Variants in AGBL1 observed in about 807,000 individuals in gnomAD.
AGBL1 encodes the protein AGBL carboxypeptidase 1, also known as cytosolic carboxypeptidase 4.
Under a neutral mutation model 118.9 loss-of-function variants are expected in AGBL1, and 130 were observed. That is an observed-to-expected ratio of 1.09 (90% CI 0.95 to 1.26). The LOEUF (loss-of-function observed/expected upper bound fraction) is 1.26. Ranked by LOEUF, AGBL1 falls within the 50% of genes most tolerant of loss-of-function variation. The probability of loss-of-function intolerance (pLI) is 0.00; values close to 1 mark genes in which losing one functional copy is unlikely to be tolerated. For synonymous variants in AGBL1, 555 were observed against 478.9 expected (o/e 1.16, Z -2.08); for missense variants, 1,584 against 1,298.1 (o/e 1.22, Z -3.38).
intron 17 of AGBL1, among the ~76,000 whole-genome samples, chr15:86,303,998 G>A (rs956008133): frequency 6.6e-6 from 1 of 152,156 alleles, no homozygotes; most frequent in Non-Finnish European, 1.5e-5. Context: ...CCCCATAATC[G>A]TAACTGTTGT....
intron 22 of AGBL1, among the ~76,000 whole-genome samples, chr15:86,817,397 C>T (rs2078874672): frequency 3.3e-5 from 5 of 150,534 alleles, no homozygotes. Context: ...AAGAAGATGA[C>T]AGCGATGTTG....
At chr15:86,512,832 G>A (rs964450004) in intron 18 of AGBL1, among the ~76,000 whole-genome samples, 4 of 151,126 alleles carry the variant, frequency 2.6e-5, no homozygotes, top group Admixed American at 1.3e-4. Context: ...TCTACACTAG[G>A]TTTTATTTAC....
At chr15:86,235,654 A>G (rs754421038) in intron 6 of AGBL1, among the ~76,000 whole-genome samples, 17 of 152,308 alleles carry the variant, frequency 1.1e-4, no homozygotes, top group Non-Finnish European at 1.8e-4. Context: ...TTCTAATAAC[A>G]GCAGTTTACA....
chr15:86,227,550 A>G (rs2078386663), intron 6 of AGBL1, among the ~76,000 whole-genome samples: 1 of 152,248 alleles, frequency 6.6e-6, no homozygotes, highest in East Asian at 1.9e-4. Context: ...CCAAAAAATT[A>G]TCTTCAGACT....
chr15:86,169,088 G>C (rs1201209955), intron 5 of AGBL1, among the ~76,000 whole-genome samples: 1 of 152,170 alleles, frequency 6.6e-6, no homozygotes, highest in Non-Finnish European at 1.5e-5. Flanking sequence ...AGAGTTTCTA[G>C]ATTGCAGTGC....
chr15:86,923,425 A>G (rs980267547), intron 23 of AGBL1, among the ~76,000 whole-genome samples: 4 of 152,128 alleles, frequency 2.6e-5, no homozygotes, highest in African/African-American at 7.2e-5. Flanking sequence ...CCTGCCTGTT[A>G]TCACCTCCTC....
In AGBL1 at chr15:86,726,659, T is replaced by C. The variant is rs769767418; in HGVS notation, c.3158+52223T>C. On this transcript the variant is annotated intron_variant, in intron 22 of 22. Coordinates refer to ENST00000614907, the MANE Select transcript of AGBL1 (RefSeq NM_001386094.1). The stretch of plus-strand genomic sequence containing the variant: ...TTACTGCAGCCTCAACCTCCTGGGC[T>C]CAAGCAATCCTTCTACCTCAGACTC... Among the ~76,000 whole-genome samples, 9 of 152,268 alleles carry C rather than the reference T, an allele frequency of 5.9e-5. No homozygotes were observed. The East Asian group carries it at 1.7e-3, about 29-fold the overall frequency.
chr15:86,897,938 A>G (rs1050154819), intron 22 of AGBL1, among the ~76,000 whole-genome samples: 2 of 151,358 alleles, frequency 1.3e-5, no homozygotes, highest in Non-Finnish European at 2.9e-5. Context: ...ATGACTAGCT[A>G]ATTTTTGTAT....
At chr15:86,889,584 C>T (rs185259405) in intron 22 of AGBL1, among the ~76,000 whole-genome samples, 31 of 152,192 alleles carry the variant, frequency 2.0e-4, no homozygotes, top group Non-Finnish European at 3.4e-4. Context: ...GTGTGTTATT[C>T]CCCTCCATGT....
rs2080478517 is a variant in AGBL1 at position 86,921,194 on chromosome 15, A to T, written c.3222-66793A>T. Among the ~76,000 whole-genome samples the T allele has an allele frequency of 2.6e-5, 4 of 152,328 alleles. 1 individual carries two copies. The South Asian group carries it at 8.3e-4, about 32-fold the overall frequency. ...GATTCAAAGATTTTTCTCATCTGTG[A>T]TTGGTTAAGCAGACGAAGCTTTGTT... is the stretch of plus-strand genomic sequence containing the variant. On this transcript the variant is annotated intron_variant, in intron 23 of 24. Transcript: ENST00000441037.
chr15:86,117,964 C>A (rs888232549), intron 1 of AGBL1, among the ~76,000 whole-genome samples: 2 of 152,178 alleles, frequency 1.3e-5, no homozygotes, highest in Admixed American at 6.5e-5. Context: ...ACTTGCTCTG[C>A]GGATCTTAGT....
chr15:86,356,065 C>T (rs1039211520), intron 17 of AGBL1, among the ~76,000 whole-genome samples: 6 of 152,076 alleles, frequency 3.9e-5, no homozygotes, highest in African/African-American at 1.4e-4. Flanking sequence ...CTATCTTCTG[C>T]GTTTTAAATC....
intron 17 of AGBL1, among the ~76,000 whole-genome samples, chr15:86,376,180 T>C (rs1350345865): frequency 6.6e-6 from 1 of 152,258 alleles, no homozygotes; most frequent in Non-Finnish European, 1.5e-5. Context: ...GTCAGAAGGA[T>C]GCCACTGATG....
At chr15:86,675,612 G>A (rs972013202) in intron 22 of AGBL1, among the ~76,000 whole-genome samples, 1 of 152,126 alleles carries the variant, frequency 6.6e-6, no homozygotes, top group African/African-American at 2.4e-5. Flanking sequence ...ACACCCCTCA[G>A]TGTCTGAAGG....
At chr15:86,763,668 A>T (rs1253144409) in intron 22 of AGBL1, among the ~76,000 whole-genome samples, 1 of 151,990 alleles carries the variant, frequency 6.6e-6, no homozygotes, top group Non-Finnish European at 1.5e-5. Flanking sequence ...TCACTTGTCA[A>T]TCATAGGAAA....
intron 24 of AGBL1, among the ~76,000 whole-genome samples, chr15:86,996,185 C>T (rs1490058395): frequency 6.6e-6 from 1 of 152,112 alleles, no homozygotes; most frequent in East Asian, 1.9e-4. Flanking sequence ...GAAGTCTATA[C>T]ATACAGAAAG....
intron 21 of AGBL1, among the ~76,000 whole-genome samples, chr15:86,645,124 T>G (rs1231276741): frequency 6.6e-6 from 1 of 152,212 alleles, no homozygotes; most frequent in Non-Finnish European, 1.5e-5. Context: ...CATGTTAATA[T>G]TATCTTCTTA....
At chr15:86,478,415 A>T (rs906325922) in intron 18 of AGBL1, among the ~76,000 whole-genome samples, 4 of 152,232 alleles carry the variant, frequency 2.6e-5, no homozygotes, top group Non-Finnish European at 5.9e-5. Context: ...TGCAAAAATC[A>T]CAAACATTCT....
intron 1 of AGBL1, among the ~76,000 whole-genome samples, chr15:86,118,572 A>G (rs543075965): frequency 6.6e-6 from 1 of 152,120 alleles, no homozygotes; most frequent in African/African-American, 2.4e-5. Flanking sequence ...GCAGGTGCAG[A>G]GGTTAAAAAT....
Sources: allele counts gnomAD v4.1 joint callset (sites outside exome capture counted in the v4.1 genomes callset), GRCh38; gene constraint gnomAD v4.1.1; transcripts MANE v1.5; gene names NCBI Gene and HGNC (gene_info 2026-07-23, HGNC 2026-07-21).